Variants in IGF2BP2 observed in about 807,000 individuals in gnomAD.
The protein encoded by IGF2BP2 is insulin like growth factor 2 mRNA binding protein 2.
In IGF2BP2, 17 loss-of-function variants were observed where a neutral mutation model predicts 75.8. The ratio of observed to expected loss-of-function variants is 0.22; its 90% CI spans 0.15 to 0.34. The LOEUF (loss-of-function observed/expected upper bound fraction) is 0.34, where lower values mean the gene tolerates loss of function less well. Among genes scored for constraint, IGF2BP2 ranks in the 10% least tolerant of loss-of-function variants. The pLI, the probability that IGF2BP2 is intolerant of heterozygous loss-of-function variation, is 1.00. For synonymous variants in IGF2BP2, 288 were observed against 295.6 expected (o/e 0.97, Z 0.26); for missense variants, 516 against 772.4 (o/e 0.67, Z 3.93).
intron 2 of IGF2BP2, among the ~76,000 whole-genome samples, chr3:185,807,756 T>C (rs1433761180): frequency 6.6e-6 from 1 of 152,218 alleles, no homozygotes; most frequent in Admixed American, 6.5e-5. Context: ...TCTTGTTTTA[T>C]TCACTCTGGG....
At chr3:185,818,416 A>G (rs1218033136) in intron 2 of IGF2BP2, among the ~76,000 whole-genome samples, 1 of 152,198 alleles carries the variant, frequency 6.6e-6, no homozygotes, top group African/African-American at 2.4e-5. Context: ...TCATCACTCA[A>G]GGCAAATATC....
At chr3:185,815,303 T>C (rs531006935) in intron 2 of IGF2BP2, among the ~76,000 whole-genome samples, 1 of 152,192 alleles carries the variant, frequency 6.6e-6, no homozygotes, top group Non-Finnish European at 1.5e-5. Flanking sequence ...TTTCTCAGCA[T>C]AGGTTTTATA....
At chr3:185,820,394 A>G (rs1236697291) in intron 2 of IGF2BP2, among the ~76,000 whole-genome samples, 1 of 151,998 alleles carries the variant, frequency 6.6e-6, no homozygotes, top group Non-Finnish European at 1.5e-5. Context: ...ACATTTGACC[A>G]TATGTACTAC....
chr3:185,654,453 A>G (rs1397393809), intron 12 of IGF2BP2, among the ~76,000 whole-genome samples: 1 of 152,140 alleles, frequency 6.6e-6, no homozygotes, highest in African/African-American at 2.4e-5. Flanking sequence ...CCACCACCCA[A>G]ACCGAGAAGG....
chr3:185,652,512 G>A (rs1300675053), intron 12 of IGF2BP2, among the ~76,000 whole-genome samples: 1 of 152,178 alleles, frequency 6.6e-6, no homozygotes, highest in Non-Finnish European at 1.5e-5. Context: ...AGAGGGATGT[G>A]TAGGCTCTGC....
chr3:185,755,058 G>A (rs1028074032), intron 2 of IGF2BP2, among the ~76,000 whole-genome samples: 2 of 152,202 alleles, frequency 1.3e-5, no homozygotes, highest in Non-Finnish European at 2.9e-5. Context: ...AGGGAGCCAA[G>A]TGCTAACATC....
chr3:185,695,417 A>G (rs1437321364), intron 4 of IGF2BP2, among the ~76,000 whole-genome samples: 1 of 152,174 alleles, frequency 6.6e-6, no homozygotes, highest in Non-Finnish European at 1.5e-5. Context: ...TGACAGAGGA[A>G]GGGTAGAAAT....
At chr3:185,662,783 T>A (rs969943114) in intron 10 of IGF2BP2, among the ~76,000 whole-genome samples, 7 of 151,992 alleles carry the variant, frequency 4.6e-5, no homozygotes, top group African/African-American at 1.4e-4. Context: ...CCTCAGGTGA[T>A]CCTCCCACCA....
chr3:185,692,853 A>G, intron 4 of IGF2BP2, 91 bp from the exon 5 acceptor site: 1 of 1,091,484 alleles, frequency 9.2e-7, no homozygotes, highest in Non-Finnish European at 1.4e-6. Flanking sequence ...AGAAAAATGC[A>G]TAAAACCCTC....
chr3:185,722,279 A>G (rs1368140928), intron 2 of IGF2BP2: 1 of 456,308 alleles, frequency 2.2e-6, no homozygotes, highest in East Asian at 7.0e-5. Context: ...TGAGGCACAA[A>G]AAGAGGAAAT....
At chr3:185,689,706 C>G in intron 5 of IGF2BP2, 79 bp from the exon 6 acceptor site, 2 of 1,541,130 alleles carry the variant, frequency 1.3e-6, no homozygotes, top group South Asian at 2.3e-5. Context: ...CGGTGGCTCA[C>G]GCCTGTAATC....
chr3:185,824,747 G>T, intron 1 of IGF2BP2, 36 bp downstream of exon 1: 1 of 1,277,768 alleles, frequency 7.8e-7, no homozygotes, highest in East Asian at 3.2e-5. Context: ...CCTGAGCGGG[G>T]CGAGGCGGGG....
At chr3:185,662,854 A>G (rs1339171804) in intron 10 of IGF2BP2, among the ~76,000 whole-genome samples, 3 of 151,638 alleles carry the variant, frequency 2.0e-5, no homozygotes, top group African/African-American at 4.8e-5. Flanking sequence ...ATTTTTTTGC[A>G]TTTTTAGTAG....
chr3:185,727,285 C>T (rs1479955745), intron 2 of IGF2BP2, among the ~76,000 whole-genome samples: 1 of 150,474 alleles, frequency 6.6e-6, no homozygotes, highest in Non-Finnish European at 1.5e-5. Flanking sequence ...TCGTTAAGAA[C>T]AGCAAGGGAG....
intron 10 of IGF2BP2, among the ~76,000 whole-genome samples, chr3:185,671,222 A>G (rs775865889): frequency 8.5e-5 from 13 of 152,232 alleles, no homozygotes; most frequent in Non-Finnish European, 1.8e-4. Flanking sequence ...GGGAAATGAT[A>G]TAACTAAAGA....
intron 15 of IGF2BP2, among the ~76,000 whole-genome samples, chr3:185,646,285 T>G (rs1304060953): frequency 6.6e-6 from 1 of 151,826 alleles, no homozygotes; most frequent in Admixed American, 6.6e-5. Context: ...CGTGTGTGGG[T>G]GGCGGGGGAT....
intron 2 of IGF2BP2, among the ~76,000 whole-genome samples, chr3:185,744,367 T>C (rs369743550): frequency 6.6e-6 from 1 of 152,306 alleles, no homozygotes; most frequent in South Asian, 2.1e-4. Flanking sequence ...TTGTGTACTT[T>C]TGTGTATGAT....
At chr3:185,675,668 G>A in intron 8 of IGF2BP2, 123 bp downstream of exon 8, 2 of 1,264,676 alleles carry the variant, frequency 1.6e-6, no homozygotes, top group South Asian at 2.9e-5. Context: ...AAAGATGATG[G>A]AGATAATTGC....
chr3:185,695,240 T>C (rs534391065), intron 4 of IGF2BP2, among the ~76,000 whole-genome samples: 1 of 152,306 alleles, frequency 6.6e-6, no homozygotes, highest in African/African-American at 2.4e-5. Flanking sequence ...TCTGAATAAT[T>C]ACTGCTTTAA....
Sources: gnomAD v4.1 joint callset for allele counts (sites outside exome capture counted in the v4.1 genomes callset) on GRCh38, gnomAD v4.1.1 for gene constraint, MANE v1.5 for transcripts, NCBI Gene and HGNC (gene_info 2026-07-23, HGNC 2026-07-21) for gene names.